The following LIG1 variants were observed in gnomAD, a reference collection of about 807,000 sequenced individuals.
LIG1 encodes DNA ligase 1, also known as ligase I, DNA, ATP-dependent.
A neutral mutation model predicts 115.7 loss-of-function variants in LIG1; 70 were observed. That is an observed-to-expected ratio of 0.60 (90% CI 0.50 to 0.74). The LOEUF (loss-of-function observed/expected upper bound fraction) is 0.74. LIG1 is among the 30% of genes least tolerant of loss of function. LIG1 has a pLI of 0.00. For missense variants in LIG1, 1,115 were observed against 1,225.6 expected, an observed-to-expected ratio of 0.91 and a Z score of 1.35; for synonymous variants, 487 against 495.3, an observed-to-expected ratio of 0.98 and a Z score of 0.22.
rs750998230 is a variant in LIG1 at position 48,151,294 on chromosome 19, G to A, written c.512C>T (p.Thr171Ile). The change falls in exon 7 of 28, where the codon ACA (threonine) becomes ATA (isoleucine). Residue 171 changes from threonine to isoleucine, a missense_variant. Coordinates refer to ENST00000263274, the MANE Select transcript of LIG1 (RefSeq NM_000234.3). ...KESLTEAEVATEKEGEDGDQP... is the reference protein window; with the variant it reads ...KESLTEAEVAIEKEGEDGDQP... ...GTCCCCGTCTTCTCCTTCCTTCTCT[G>A]TGGCCACTTCAGCCTCTGTGAGGCT... is the stretch of plus-strand genomic sequence containing the variant. 1 of 1,613,754 alleles carries A rather than the reference G, an allele frequency of 6.2e-7. No individual in the cohort carries two copies. The highest frequency in any genetic ancestry group is 1.7e-5 in the Admixed American group (1 of 59,984).
At position 48,170,332 on chromosome 19, in the gene LIG1, C is replaced by G. The variant is rs2036748405; in HGVS notation, c.-149G>C. Reference sequence around the variant, plus strand: ...TCCCAAGTTCGCGCCACGGCATTCGCGCGCAGACGTCTGCGGGCGGGGGCG... The same window carrying G: ...TCCCAAGTTCGCGCCACGGCATTCGGGCGCAGACGTCTGCGGGCGGGGGCG... On this transcript the variant is annotated 5_prime_UTR_variant, in exon 1 of 28. Coordinates refer to ENST00000263274, the MANE Select transcript of LIG1 (RefSeq NM_000234.3). 1 of 441,826 alleles carries G rather than the reference C, an allele frequency of 2.3e-6. No homozygotes were observed. Among genetic ancestry groups the G allele is most frequent in the South Asian group, 1.6e-5 (1 of 63,368 alleles). The allele number at this position is 441,826 out of a possible 1,614,324, so 27.4% of individuals were successfully genotyped here.
At chr19:48,155,353 T>C (rs535247565) in intron 5 of LIG1, among the ~76,000 whole-genome samples, 1 of 152,254 alleles carries the variant, frequency 6.6e-6, no homozygotes, top group Non-Finnish European at 1.5e-5. Context: ...TCGCATCCGA[T>C]TCTCCAGAAA....
At position 48,151,347 on chromosome 19, in the gene LIG1, T is replaced by C. The variant is rs1568534074; in HGVS notation, c.467-8A>G. ...CTTTCGGGGTCTCCTCTTCTGACGATAGACAGAACGGTCAGATGGCAAAAA... is the reference window on the plus strand; with the variant it reads ...CTTTCGGGGTCTCCTCTTCTGACGACAGACAGAACGGTCAGATGGCAAAAA... On this transcript the variant is annotated splice_polypyrimidine_tract_variant and splice_region_variant and intron_variant, in intron 6 of 27. Coordinates refer to ENST00000263274, the MANE Select transcript of LIG1 (RefSeq NM_000234.3). 8 of 1,579,248 alleles carry C rather than the reference T, an allele frequency of 5.1e-6. No individual in the cohort carries two copies. The highest frequency in any genetic ancestry group is 5.0e-5 in the Admixed American group (3 of 59,980).
In LIG1 at chr19:48,157,141, C is replaced by T. The variant is rs751305793; in HGVS notation, c.244-1G>A. On this transcript the variant is annotated splice_acceptor_variant, in intron 4 of 27. Coordinates refer to ENST00000263274, the MANE Select transcript of LIG1 (RefSeq NM_000234.3). LOFTEE classifies it high-confidence loss of function. ...CCTGTGAGCAGTCCAGGGCAGGCTTCTGGAAGAGGAAAGAACAGTTCTAGA... is the reference window on the plus strand; with the variant it reads ...CCTGTGAGCAGTCCAGGGCAGGCTTTTGGAAGAGGAAAGAACAGTTCTAGA... The T allele has an allele frequency of 4.3e-5, 70 of 1,609,540 alleles. No individual in the cohort carries two copies. The highest frequency in any genetic ancestry group is 3.3e-4 in the Middle Eastern group (2 of 6,038).
intron 1 of LIG1, among the ~76,000 whole-genome samples, chr19:48,166,407 CAAAA>C (rs1056065362): frequency 5.9e-5 from 9 of 152,012 alleles, no homozygotes; most frequent in African/African-American, 9.7e-5. Context: ...AAAACAAAAA[CAAAA>C]GAAAGACTAT....
chr19:48,128,006 C>T lies in LIG1; in HGVS notation c.1836G>A (p.Ser612=), dbSNP rs374380530. ...CGGTGTCCAGGATGAAGGATGTGAC[C>T]GATGGGAGTTTAATCTGAAAAGTGA... The part of the protein sequence containing the change: ...ISRIPKIKLP[S]VTSFILDTEA... Residue 612 remains serine (S), a synonymous_variant, in exon 20 of 28, where the codon TCG becomes TCA. Transcript: ENST00000263274. 6 of 1,613,960 alleles carry T rather than the reference C, an allele frequency of 3.7e-6. No individual in the cohort carries two copies. The highest frequency in any genetic ancestry group is 1.1e-5 in the South Asian group (1 of 91,062).
At chr19:48,127,839 C>T in intron 20 of LIG1, 71 bp downstream of exon 20, 1 of 1,294,882 alleles carries the variant, frequency 7.7e-7, no homozygotes, top group South Asian at 1.2e-5. Flanking sequence ...CTGGGCAGGA[C>T]CCACAGCCAG....
At chr19:48,146,682 A>G (rs2035134542) in intron 9 of LIG1, among the ~76,000 whole-genome samples, 2 of 152,230 alleles carry the variant, frequency 1.3e-5, no homozygotes, top group South Asian at 4.1e-4. Context: ...CTCCGTCTCA[A>G]AAGAAAGAAA....
intron 11 of LIG1, among the ~76,000 whole-genome samples, chr19:48,140,507 T>C (rs1015690398): frequency 6.6e-6 from 1 of 152,160 alleles, no homozygotes; most frequent in Non-Finnish European, 1.5e-5. Context: ...GTAATAGCCC[T>C]TTCTGGAAAA....
At chr19:48,121,356 G>A (rs750554688) in intron 23 of LIG1, 34 bp from the exon 24 acceptor site, 14 of 1,563,542 alleles carry the variant, frequency 9.0e-6, no homozygotes, top group Admixed American at 1.8e-5. Flanking sequence ...TGAGAAGGGG[G>A]AGCGCCCAAG....
chr19:48,124,356 G>T (rs912479206), intron 21 of LIG1, among the ~76,000 whole-genome samples: 2 of 152,198 alleles, frequency 1.3e-5, no homozygotes, highest in African/African-American at 4.8e-5. Context: ...ACGCTTCCTA[G>T]CTGGTGACTT....
intron 4 of LIG1, among the ~76,000 whole-genome samples, chr19:48,160,385 C>G (rs1053147746): frequency 6.6e-6 from 1 of 152,044 alleles, no homozygotes; most frequent in Non-Finnish European, 1.5e-5. Context: ...TGGAAGTGCA[C>G]CTGGTGGGTG....
chr19:48,141,291 G>A (rs2060234), intron 11 of LIG1, among the ~76,000 whole-genome samples: 45,596 of 151,816 alleles, frequency 0.3, 7,831 homozygotes, highest in East Asian at 0.55. Context: ...CACCATGCCC[G>A]GCTAATTTTT....
At chr19:48,156,983 A>T in intron 5 of LIG1, 31 bp downstream of exon 5, 1 of 1,429,016 alleles carries the variant, frequency 7.0e-7, no homozygotes, top group Non-Finnish European at 9.4e-7. Context: ...AAGGCAGGCG[A>T]CTGAAGGGGC....
At chr19:48,125,622 T>C (rs897668201) in intron 21 of LIG1, among the ~76,000 whole-genome samples, 2 of 152,144 alleles carry the variant, frequency 1.3e-5, no homozygotes, top group Non-Finnish European at 2.9e-5. Context: ...GAAAAGATGA[T>C]TGATCATCAA....
chr19:48,170,305 A>C lies in LIG1; in HGVS notation c.-122T>G. ...TCAGATCCGCCAGGCGCGCCTCTGC[A>C]GTCCCAAGTTCGCGCCACGGCATTC... On this transcript the variant is annotated 5_prime_UTR_variant, in exon 1 of 28. Coordinates refer to ENST00000263274, the MANE Select transcript of LIG1 (RefSeq NM_000234.3). The C allele has an allele frequency of 4.4e-6, 2 of 452,014 alleles. No individual in the cohort carries two copies. Among genetic ancestry groups the C allele is most frequent in the Non-Finnish European group, 8.9e-6 (2 of 224,852 alleles). 28.0% of individuals were successfully genotyped at this position (452,014 alleles called of 1,614,324 possible).
chr19:48,121,260 G>A lies in LIG1; in HGVS notation c.2295C>T (p.Tyr765=), dbSNP rs1274871403. The part of the protein sequence containing the change: ...DTLDLVVIGA[Y]LGRGKRAGRY... ...GGCCGGCCCGCTTCCCCCGGCCCAGGTAGGCGCCGATCACCACCAGGTCCA... is the reference window on the plus strand; with the variant it reads ...GGCCGGCCCGCTTCCCCCGGCCCAGATAGGCGCCGATCACCACCAGGTCCA... The change falls in exon 24 of 28, where the codon TAC becomes TAT. Residue 765 remains tyrosine (Y), a synonymous_variant. Coordinates refer to ENST00000263274, the MANE Select transcript of LIG1 (RefSeq NM_000234.3). The A allele has an allele frequency of 6.2e-7, 1 of 1,613,664 alleles. No individual in the cohort carries two copies. Among genetic ancestry groups the A allele is most frequent in the Non-Finnish European group, 8.5e-7 (1 of 1,179,850 alleles).
intron 5 of LIG1, among the ~76,000 whole-genome samples, chr19:48,154,897 G>A (rs572609541): frequency 2.6e-5 from 4 of 152,132 alleles, no homozygotes; most frequent in East Asian, 3.9e-4. Context: ...TGTCTACCCC[G>A]ATCCTACCTA....
rs530007117 is a variant in LIG1, at chr19:48,142,483, G to T, written c.914+1060C>A. On this transcript the variant is annotated intron_variant, in intron 11 of 27. Transcript: ENST00000263274. ...CAGAGTGCTGGGAACAGCCTGAAAT[G>T]CTCCACTCATGTTGGGGAACTGAGA... is the stretch of plus-strand genomic sequence containing the variant. Among the ~76,000 whole-genome samples, 9 of 149,126 alleles carry T rather than the reference G, an allele frequency of 6.0e-5. No homozygotes were observed. The East Asian group carries it at 1.8e-3, about 30-fold the overall frequency.
Sources: allele counts gnomAD v4.1 joint callset (sites outside exome capture counted in the v4.1 genomes callset), GRCh38; gene constraint gnomAD v4.1.1; transcripts MANE v1.5; gene names NCBI Gene and HGNC (gene_info 2026-07-23, HGNC 2026-07-21).